The following SPNS2 variants were observed in gnomAD, a reference collection of about 807,000 sequenced individuals.
SPNS2 encodes the protein sphingosine-1-phosphate transporter SPNS2.
Under a neutral mutation model 57.6 loss-of-function variants are expected in SPNS2, and 37 were observed. The observed-to-expected ratio is 0.64, with a 90% CI of 0.49 to 0.85. The LOEUF is 0.85. SPNS2 is among the 40% of genes least tolerant of loss of function. The pLI is 0.00. For missense variants in SPNS2, 831 were observed against 779.1 expected, an observed-to-expected ratio of 1.07 and a Z score of -0.79; for synonymous variants, 440 against 346.9, an observed-to-expected ratio of 1.27 and a Z score of -2.98.
chr17:4,512,001 C>T lies in SPNS2; in HGVS notation c.371-1246C>T, dbSNP rs1418777653. Reference sequence around the variant, plus strand: ...GCCTGACTTCCTATGCTCCAGTTTCCTCATCTGTCAACTTGGATCCTAGTA... The same window carrying T: ...GCCTGACTTCCTATGCTCCAGTTTCTTCATCTGTCAACTTGGATCCTAGTA... On this transcript the variant is annotated intron_variant, in intron 1 of 12. Transcript: ENST00000329078. This position sits in a 1 kb window ranked among gnomAD's most constrained non-coding sequence, Gnocchi z 5.2. 6.6e-6 allele frequency among the ~76,000 whole-genome samples: 1 copy of T among 152,204 alleles called. No individual in the cohort carries two copies. Among genetic ancestry groups the T allele is most frequent in the Non-Finnish European group, 1.5e-5 (1 of 68,034 alleles).
In SPNS2 at chr17:4,533,094, G is replaced by C; in HGVS notation, c.1053G>C (p.Glu351Asp). ...HRAQVVQKTA[E>D]TCNSPPCGAK... ...CCCAAGTTGTGCAGAAGACAGCAGA[G>C]ACGTGCAACAGCCCGCCCTGTGGGG... Residue 351 changes from glutamate (E) to aspartate (D), a missense_variant, in exon 7 of 13, where the codon GAG becomes GAC. Glu to Asp is a conservative substitution (Grantham distance 45, BLOSUM62 2). Transcript: ENST00000329078. 6.2e-7 allele frequency: 1 copy of C among 1,612,796 alleles called. No homozygotes were observed. Among genetic ancestry groups the C allele is most frequent in the South Asian group, 1.1e-5 (1 of 91,006 alleles).
chr17:4,527,635 A>G (rs1415853467), intron 3 of SPNS2, among the ~76,000 whole-genome samples: 2 of 152,238 alleles, frequency 1.3e-5, no homozygotes, highest in Non-Finnish European at 2.9e-5. Flanking sequence ...TACGTGTAGG[A>G]AGAGACAGGG....
chr17:4,509,529 G>GGGTGAGGGA (rs1227055898), intron 1 of SPNS2, among the ~76,000 whole-genome samples: 1 of 152,254 alleles, frequency 6.6e-6, no homozygotes, highest in African/African-American at 2.4e-5. Context: ...CTCACCACCA[G>GGGTGAGGGA]GGTGAGGGAG....
Position 4,526,159 on chromosome 17 carries a change from C to T in SPNS2, c.573+966C>T, listed in dbSNP as rs112859384. ...GAGTCCTCACTAAAGAGACAACAGT[C>T]TCTTGAAATCCGTGGGGTCAGGGAG... is the stretch of plus-strand genomic sequence containing the variant. On this transcript the variant is annotated intron_variant, in intron 3 of 12. Transcript: ENST00000329078. Among the ~76,000 whole-genome samples, 720 of 152,328 alleles carry T rather than the reference C, an allele frequency of 4.7e-3. 1 individual carries two copies. Among genetic ancestry groups the T allele is most frequent in the Middle Eastern group, 6.8e-3 (2 of 294 alleles).
intron 8 of SPNS2, 165 bp from the exon 9 acceptor site, chr17:4,533,623 G>T: frequency 9.7e-7 from 1 of 1,027,894 alleles, no homozygotes; most frequent in Admixed American, 2.1e-5. Flanking sequence ...CCTCAGGGCC[G>T]TGGGCATGGC....
Position 4,532,658 on chromosome 17 carries a change from C to T in SPNS2, c.909C>T (p.Leu303=), listed in dbSNP as rs935056241. 1.2e-6 allele frequency: 2 copies of T among 1,613,988 alleles called. No homozygotes were observed. Among genetic ancestry groups the T allele is most frequent in the Middle Eastern group, 1.6e-4 (1 of 6,062 alleles). ...GDQLKARTSW[L]RDMKALIRNR... is the part of the protein sequence containing the mutation. ...AGCTCAAGGCCCGGACCTCATGGCT[C>T]CGAGATATGAAGGCCCTGATTCGAA... Residue 303 remains leucine, a synonymous_variant, in exon 6 of 13, where the codon CTC becomes CTT. Coordinates refer to ENST00000329078, the MANE Select transcript of SPNS2 (RefSeq NM_001124758.3).
intron 1 of SPNS2, among the ~76,000 whole-genome samples, chr17:4,500,593 C>G (rs1001818117): frequency 4.0e-5 from 6 of 151,194 alleles, no homozygotes; most frequent in Non-Finnish European, 7.4e-5. Flanking sequence ...ACACACACAA[C>G]AGAGAGAGAG....
At chr17:4,508,056 A>T (rs1904727767) in intron 1 of SPNS2, among the ~76,000 whole-genome samples, 1 of 152,182 alleles carries the variant, frequency 6.6e-6, no homozygotes, top group African/African-American at 2.4e-5. Flanking sequence ...GTCTGGGGCA[A>T]GCTGTTGAGT....
intron 2 of SPNS2, among the ~76,000 whole-genome samples, chr17:4,522,445 C>T (rs1477843605): frequency 6.6e-6 from 1 of 152,166 alleles, no homozygotes; most frequent in African/African-American, 2.4e-5. Flanking sequence ...GCTCGTACAC[C>T]CACCACCCAC....
At chr17:4,533,580 G>T (rs1183658717) in intron 8 of SPNS2, 148 bp downstream of exon 8, 1 of 1,044,460 alleles carries the variant, frequency 9.6e-7, no homozygotes, top group East Asian at 2.6e-5. Flanking sequence ...TCCCCAGCCT[G>T]GCCACACACA....
At chr17:4,519,113 A>G (rs1383951481) in intron 2 of SPNS2, among the ~76,000 whole-genome samples, 1 of 152,060 alleles carries the variant, frequency 6.6e-6, no homozygotes, top group Non-Finnish European at 1.5e-5. Flanking sequence ...CTGCCTGAGC[A>G]CCCTCCCTGC....
intron 1 of SPNS2, among the ~76,000 whole-genome samples, chr17:4,506,847 A>G (rs1904692626): frequency 6.6e-6 from 1 of 152,162 alleles, no homozygotes; most frequent in African/African-American, 2.4e-5. Flanking sequence ...CAGATGTAGA[A>G]CAAACCCAGT....
At chr17:4,536,460 G>C in intron 11 of SPNS2, 34 bp downstream of exon 11, 1 of 1,576,848 alleles carries the variant, frequency 6.3e-7, no homozygotes, top group Non-Finnish European at 8.6e-7. Flanking sequence ...CTGCTGCACC[G>C]CCGGGAAGCA....
intron 11 of SPNS2, 137 bp downstream of exon 11, chr17:4,536,563 G>C (rs1475211084): frequency 8.8e-7 from 1 of 1,139,332 alleles, no homozygotes; most frequent in Non-Finnish European, 1.2e-6. Flanking sequence ...GGTTGCTGGG[G>C]TCCAGCCCTG....
rs772564991 is a variant in SPNS2, at chr17:4,531,068, T to G, written c.741T>G (p.Ile247Met). The G allele has an allele frequency of 1.1e-5, 17 of 1,613,974 alleles. No individual in the cohort carries two copies. The highest frequency in any genetic ancestry group is 1.7e-6 in the Non-Finnish European group (2 of 1,179,998). ...AIPLGSGLGY[I>M]TGSSVKQAAG... ...TTCTCTGCAGTGGCCTGGGCTACAT[T>G]ACTGGCTCCAGCGTGAAGCAGGCAG... The change falls in exon 5 of 13, where the codon ATT (isoleucine) becomes ATG (methionine). Residue 247 changes from isoleucine (I) to methionine (M), a missense_variant. Around this residue, in one of 2 missense-constraint regions of SPNS2, gnomAD observed 305 missense variants for 378.3 expected, o/e 0.81. Coordinates refer to ENST00000329078, the MANE Select transcript of SPNS2 (RefSeq NM_001124758.3).
chr17:4,526,532 G>A (rs928471607), intron 3 of SPNS2, among the ~76,000 whole-genome samples: 11 of 151,952 alleles, frequency 7.2e-5, no homozygotes, highest in African/African-American at 2.7e-4. Flanking sequence ...GAACCTCGAA[G>A]GCAGAGGTTG....
chr17:4,530,822 G>A (rs1219975613), intron 4 of SPNS2, 39 bp downstream of exon 4: 11 of 1,595,398 alleles, frequency 6.9e-6, no homozygotes, highest in East Asian at 2.2e-5. Context: ...TGAGGATCTG[G>A]GCAAGGTTCC....
At position 4,499,194 on chromosome 17, in the gene SPNS2, A is replaced by G; in HGVS notation, c.147A>G (p.Gly49=). 7.3e-7 allele frequency: 1 copy of G among 1,366,886 alleles called. No individual in the cohort carries two copies. 84.7% of individuals were successfully genotyped at this position (1,366,886 alleles called of 1,614,324 possible). The change falls in exon 1 of 13, where the codon GGA becomes GGG. Residue 49 remains glycine (G), a synonymous_variant. Coordinates refer to ENST00000329078, the MANE Select transcript of SPNS2 (RefSeq NM_001124758.3). The surrounding 1 kb of genome is among the most constrained non-coding windows in gnomAD (Gnocchi z 5.2). ...GGGCGCGGGGCGCGGGCGGCGCTGG[A>G]GTCTCGGCCGCGGGCGATGAGGTGC... ...CCGARGAGGA[G]VSAAGDEVQT... is the part of the protein sequence containing the mutation.
intron 2 of SPNS2, among the ~76,000 whole-genome samples, chr17:4,524,575 T>A (rs931901847): frequency 6.6e-6 from 1 of 152,132 alleles, no homozygotes; most frequent in Non-Finnish European, 1.5e-5. Context: ...TGCCAGCTAC[T>A]CAGGAGGCTG....
Sources: gnomAD v4.1 joint callset for allele counts (sites outside exome capture counted in the v4.1 genomes callset) on GRCh38, gnomAD v4.1.1 for gene constraint, gnomAD v4.1.1 regional missense constraint, Gnocchi (gnomAD v3.1) non-coding constraint, MANE v1.5 for transcripts, NCBI Gene and HGNC (gene_info 2026-07-23, HGNC 2026-07-21) for gene names.